CLIP1: variants seen among roughly 807,000 people sequenced by gnomAD.
CLIP1 encodes CAP-Gly domain-containing linker protein 1.
In CLIP1, 66 loss-of-function variants were observed where a neutral mutation model predicts 161.6. The observed-to-expected ratio is 0.41, with a 90% CI of 0.33 to 0.50. The LOEUF (loss-of-function observed/expected upper bound fraction) is 0.50. CLIP1 is among the 20% of genes least tolerant of loss of function. The pLI is 0.27. For missense variants in CLIP1, 1,376 were observed against 1,702.0 expected (o/e 0.81, Z 3.37); for synonymous variants, 598 against 626.2 (o/e 0.96, Z 0.67).
intron 20 of CLIP1, among the ~76,000 whole-genome samples, chr12:122,308,343 C>A (rs1217290900): frequency 1.3e-5 from 2 of 152,202 alleles, no homozygotes; most frequent in Non-Finnish European, 2.9e-5. Context: ...AGCACTTAGC[C>A]AAAGTCCTTC....
rs1382243476 is a variant in CLIP1 at position 122,279,731 on chromosome 12, A to G, written c.3648-586T>C. Reference sequence around the variant, plus strand: ...TCAAACTGAAGGATTATTACTTTCCAGCCATAGACTCTGAAGAGGACATTA... The same window carrying G: ...TCAAACTGAAGGATTATTACTTTCCGGCCATAGACTCTGAAGAGGACATTA... On this transcript the variant is annotated intron_variant, in intron 21 of 25. Transcript: ENST00000620786. This position sits in a 1 kb window ranked among gnomAD's most constrained non-coding sequence, Gnocchi z 4.5. 2.0e-5 allele frequency: 3 copies of G among 152,248 alleles called. No homozygotes were observed. Among genetic ancestry groups the G allele is most frequent in the African/African-American group, 7.2e-5 (3 of 41,454 alleles). The allele number at this position is 152,248 out of a possible 1,614,324, so 9.4% of individuals were successfully genotyped here. A position where few individuals can be genotyped will look rare whatever the true frequency, so the allele number is the denominator to read the frequency against.
rs35483741 is a variant in CLIP1, at chr12:122,278,216, GA to G, written c.3917-14del. On this transcript the variant is annotated splice_polypyrimidine_tract_variant and intron_variant, in intron 23 of 25. Transcript: ENST00000620786. ...GTGTCTGTATTACCTTATATTTGAG[GA>G]AAAAAAAAAAAAAACAAGTGGAGGG... 0.035 allele frequency: 45,505 copies of G among 1,317,564 alleles called. No homozygotes were observed. The highest frequency in any genetic ancestry group is 0.04 in the Admixed American group (1,772 of 44,178). 81.6% of individuals were successfully genotyped at this position (1,317,564 alleles called of 1,614,324 possible).
At chr12:122,400,746 A>G (rs888275279) in intron 1 of CLIP1, 2 of 152,176 alleles carry the variant, frequency 1.3e-5, no homozygotes, top group Admixed American at 6.6e-5. Flanking sequence ...AGTTTGATAC[A>G]CAGTAAGAGT....
At chr12:122,412,005 A>T (rs891419535) in intron 1 of CLIP1, among the ~76,000 whole-genome samples, 49 of 151,658 alleles carry the variant, frequency 3.2e-4, no homozygotes, top group Admixed American at 2.4e-3. Flanking sequence ...GTTATTTTTT[A>T]AAAAACTGGT....
chr12:122,317,465 G>A (rs868562935), intron 18 of CLIP1, among the ~76,000 whole-genome samples: 3 of 152,144 alleles, frequency 2.0e-5, no homozygotes, highest in Non-Finnish European at 4.4e-5. Context: ...ATTGGCCCAC[G>A]GGGATGCAGC....
At chr12:122,316,110 TGGGAGGCTGAGGA>T (rs939581502) in intron 19 of CLIP1, among the ~76,000 whole-genome samples, 5 of 151,740 alleles carry the variant, frequency 3.3e-5, no homozygotes, top group African/African-American at 1.2e-4. Flanking sequence ...CCCAGAACTT[TGGGAGGCTGAGGA>T]GGGAGGATCA....
intron 1 of CLIP1, among the ~76,000 whole-genome samples, chr12:122,416,110 C>T (rs1019703427): frequency 1.3e-5 from 2 of 149,296 alleles, no homozygotes; most frequent in African/African-American, 4.9e-5. Context: ...TGGTGGCAGG[C>T]GCCTGTAATC....
In CLIP1 at chr12:122,341,282, A is replaced by G. The variant is rs752815648; in HGVS notation, c.1922T>C (p.Leu641Pro). Residue 641 changes from leucine (L) to proline (P), a missense_variant, in exon 11 of 26, where the codon CTG becomes CCG. Around this residue, in one of 6 missense-constraint regions of CLIP1, gnomAD observed 948 missense variants for 1,134.8 expected, o/e 0.84. Transcript: ENST00000620786. ...AAGCCCTTTGCTGAAAGATACCTTCAGTTCTTCCATCGCCTGCTGGTGGGA... is the reference window on the plus strand; with the variant it reads ...AAGCCCTTTGCTGAAAGATACCTTCGGTTCTTCCATCGCCTGCTGGTGGGA... ...IASHQQAMEE[L>P]KVSFSKGLGT... 4 of 1,613,992 alleles carry G rather than the reference A, an allele frequency of 2.5e-6. No homozygotes were observed. The East Asian group carries it at 8.9e-5, about 36-fold the overall frequency.
At chr12:122,415,862 A>G (rs545918427) in intron 1 of CLIP1, among the ~76,000 whole-genome samples, 1 of 152,132 alleles carries the variant, frequency 6.6e-6, no homozygotes, top group Non-Finnish European at 1.5e-5. Flanking sequence ...TTTAAGACTA[A>G]AAAGGACGGC....
At position 122,340,990 on chromosome 12, in the gene CLIP1, A is replaced by G. The variant is rs780149113; in HGVS notation, c.2214T>C (p.Ala738=). 1.2e-6 allele frequency: 2 copies of G among 1,613,982 alleles called. No individual in the cohort carries two copies. Among genetic ancestry groups the G allele is most frequent in the Non-Finnish European group, 1.7e-6 (2 of 1,180,006 alleles). ...MEDTLNKLQE[A]EIKVKELEVL... ...CCTCTAGCTCCTTTACCTTTATTTCAGCTTCCTGTAATTTGTTTAACGTGT... is the reference window on the plus strand; with the variant it reads ...CCTCTAGCTCCTTTACCTTTATTTCGGCTTCCTGTAATTTGTTTAACGTGT... The change falls in exon 11 of 26, where the codon GCT becomes GCC. Residue 738 remains alanine (A), a synonymous_variant. Transcript: ENST00000620786.
intron 9 of CLIP1, among the ~76,000 whole-genome samples, chr12:122,350,719 T>A (rs1476469738): frequency 6.8e-6 from 1 of 146,782 alleles, no homozygotes; most frequent in Admixed American, 7.1e-5. Flanking sequence ...TCCCCAGAAT[T>A]CCCACAACTC....
intron 1 of CLIP1, among the ~76,000 whole-genome samples, chr12:122,421,578 A>G (rs2137258235): frequency 6.6e-6 from 1 of 152,272 alleles, no homozygotes; most frequent in South Asian, 2.1e-4. Flanking sequence ...TTTGTTTTAA[A>G]AAACAGTTCA....
intron 2 of CLIP1, among the ~76,000 whole-genome samples, chr12:122,379,845 G>A (rs1954923719): frequency 6.6e-6 from 1 of 151,142 alleles, no homozygotes. Context: ...TGGGGAGGCT[G>A]AGGCAGGAGA....
intron 20 of CLIP1, among the ~76,000 whole-genome samples, chr12:122,291,471 T>A (rs1035532177): frequency 6.6e-6 from 1 of 152,242 alleles, no homozygotes; most frequent in African/African-American, 2.4e-5. Flanking sequence ...ATTACAGGTG[T>A]GAGCTATCAC....
rs1291526535 is a variant in CLIP1, at chr12:122,278,176, T to A, written c.3944A>T (p.Asp1315Val). The change falls in exon 24 of 26, where the codon GAT becomes GTT. Residue 1315 changes from aspartate to valine, a missense_variant. Transcript: ENST00000620786. ...TACCTGACTCTCCTGGGCTCTTTCATCCTCGTCTGCCTGAGTGTCTGTATT... is the reference window on the plus strand; with the variant it reads ...TACCTGACTCTCCTGGGCTCTTTCAACCTCGTCTGCCTGAGTGTCTGTATT... ...SGNTDTQADEDERAQESQIDF... is the reference protein window; with the variant it reads ...SGNTDTQADEVERAQESQIDF... The A allele has an allele frequency of 1.2e-6, 2 of 1,603,742 alleles. No individual in the cohort carries two copies. Among genetic ancestry groups the A allele is most frequent in the East Asian group, 2.2e-5 (1 of 44,744 alleles).
In CLIP1 at chr12:122,341,188, G is replaced by A. The variant is rs762462472; in HGVS notation, c.2016C>T (p.His672=). The A allele has an allele frequency of 7.4e-6, 12 of 1,614,052 alleles. No individual in the cohort carries two copies. The highest frequency in any genetic ancestry group is 1.6e-4 in the Middle Eastern group (1 of 6,062). Residue 672 remains histidine, a synonymous_variant, in exon 11 of 26, where the codon CAC becomes CAT. Transcript: ENST00000620786. The part of the protein sequence containing the change: ...QIEKMRLDYQ[H]EIENLQNQQD... ...GTTGATTCTGCAAATTTTCTATTTC[G>A]TGTTGGTAATCTAGTCTCATTTTCT...
At chr12:122,321,576 T>A (rs1363148038) in intron 17 of CLIP1, among the ~76,000 whole-genome samples, 1 of 152,076 alleles carries the variant, frequency 6.6e-6, no homozygotes, top group Non-Finnish European at 1.5e-5. Flanking sequence ...TGGAGTGCAA[T>A]GGCATGATCT....
At chr12:122,344,023 G>A (rs1952631119) in intron 10 of CLIP1, 1 of 152,326 alleles carries the variant, frequency 6.6e-6, no homozygotes, top group Non-Finnish European at 1.5e-5. Flanking sequence ...TTCAAGATCA[G>A]CCTGGGCAAC....
chr12:122,291,727 G>A (rs748796524), intron 20 of CLIP1, among the ~76,000 whole-genome samples: 13 of 152,220 alleles, frequency 8.5e-5, no homozygotes, highest in Non-Finnish European at 1.2e-4. Flanking sequence ...GGTTAAGGAG[G>A]AAGTATCTTC....
Sources: gnomAD v4.1 joint callset for allele counts (sites outside exome capture counted in the v4.1 genomes callset) on GRCh38, gnomAD v4.1.1 for gene constraint, gnomAD v4.1.1 regional missense constraint, Gnocchi (gnomAD v3.1) non-coding constraint, MANE v1.5 for transcripts, NCBI Gene and HGNC (gene_info 2026-07-23, HGNC 2026-07-21) for gene names.